Variants in CACNA2D3 observed in about 807,000 individuals in gnomAD.
CACNA2D3 encodes voltage-dependent calcium channel subunit alpha-2/delta-3.
A neutral mutation model predicts 160.6 loss-of-function variants in CACNA2D3; 60 were observed. The observed-to-expected ratio is 0.37, with a 90% CI of 0.30 to 0.46. The LOEUF (loss-of-function observed/expected upper bound fraction) is 0.46, where lower values mean the gene tolerates loss of function less well. Ranked by LOEUF, CACNA2D3 falls within the 20% of genes least tolerant of loss-of-function variation. The pLI is 1.00. For missense variants in CACNA2D3, 1,205 were observed against 1,365.0 expected (o/e 0.88, Z 1.85); for synonymous variants, 558 against 492.9 (o/e 1.13, Z -1.75).
In CACNA2D3 at chr3:54,465,074, G is replaced by C. The variant is rs1343969587; in HGVS notation, c.382-38418G>C. On this transcript the variant is annotated intron_variant, in intron 4 of 37. Coordinates refer to ENST00000474759, the MANE Select transcript of CACNA2D3 (RefSeq NM_018398.3). ...CTTCTCCTTTTTTTTTGGTCTGCCT[G>C]GGTTATTTCAAAAGATCTGTCTTCA... Among the ~76,000 whole-genome samples, 3 of 150,148 alleles carry C rather than the reference G, an allele frequency of 2.0e-5. No homozygotes were observed. The East Asian group carries it at 5.9e-4, about 29-fold the overall frequency.
At chr3:54,437,279 T>G (rs1700075583) in intron 4 of CACNA2D3, among the ~76,000 whole-genome samples, 1 of 152,252 alleles carries the variant, frequency 6.6e-6, no homozygotes, top group Non-Finnish European at 1.5e-5. Context: ...TTCATTTTTC[T>G]GTCCCTTTAT....
intron 13 of CACNA2D3, among the ~76,000 whole-genome samples, chr3:54,778,100 G>C (rs994108340): frequency 1.3e-5 from 2 of 152,150 alleles, no homozygotes; most frequent in Non-Finnish European, 2.9e-5. Context: ...CATGGCAGAA[G>C]GCAAAGGGGA....
intron 4 of CACNA2D3, among the ~76,000 whole-genome samples, chr3:54,481,167 G>A (rs1186716601): frequency 2.0e-5 from 3 of 152,134 alleles, no homozygotes; most frequent in Non-Finnish European, 2.9e-5. Context: ...AGTGGCCTCT[G>A]GCTAGGCTGC....
intron 2 of CACNA2D3, among the ~76,000 whole-genome samples, chr3:54,131,245 C>T (rs55748949): frequency 0.059 from 8,970 of 152,260 alleles, 374 homozygotes; most frequent in African/African-American, 0.1. Flanking sequence ...CAGCTGACCC[C>T]TGATGAGAGC....
At chr3:54,603,547 T>C (rs1320260197) in intron 9 of CACNA2D3, among the ~76,000 whole-genome samples, 1 of 152,218 alleles carries the variant, frequency 6.6e-6, no homozygotes, top group Non-Finnish European at 1.5e-5. Flanking sequence ...ATGTCTTCAC[T>C]GTTCCTGACC....
chr3:54,694,144 A>AT (rs1339440258), intron 11 of CACNA2D3, among the ~76,000 whole-genome samples: 1 of 152,202 alleles, frequency 6.6e-6, no homozygotes, highest in African/African-American at 2.4e-5. Context: ...CAGGAGTTCC[A>AT]TTTTTAATCT....
intron 11 of CACNA2D3, among the ~76,000 whole-genome samples, chr3:54,723,357 C>G (rs1464911824): frequency 6.6e-6 from 1 of 152,136 alleles, no homozygotes; most frequent in African/African-American, 2.4e-5. Context: ...CTGAGACAGA[C>G]CACTTGGCTC....
chr3:54,979,476 A>G (rs1454623562), intron 29 of CACNA2D3, among the ~76,000 whole-genome samples: 1 of 152,260 alleles, frequency 6.6e-6, no homozygotes, highest in East Asian at 1.9e-4. Context: ...AACCAGGTAG[A>G]GAGAAACAAA....
At chr3:54,973,094 A>C (rs1473922002) in intron 29 of CACNA2D3, among the ~76,000 whole-genome samples, 2 of 152,084 alleles carry the variant, frequency 1.3e-5, no homozygotes, top group Non-Finnish European at 2.9e-5. Context: ...GGTAACATTT[A>C]AGTCAGCCAA....
chr3:54,725,068 T>C (rs1701251130), intron 11 of CACNA2D3, among the ~76,000 whole-genome samples: 1 of 152,130 alleles, frequency 6.6e-6, no homozygotes, highest in African/African-American at 2.4e-5. Flanking sequence ...CAATAAAAAA[T>C]GATATAGGGG....
At chr3:54,344,389 G>T (rs1698418438) in intron 3 of CACNA2D3, among the ~76,000 whole-genome samples, 1 of 152,196 alleles carries the variant, frequency 6.6e-6, no homozygotes, top group African/African-American at 2.4e-5. Flanking sequence ...GTGATTGAAT[G>T]AGGGAGGGAG....
intron 4 of CACNA2D3, among the ~76,000 whole-genome samples, chr3:54,447,816 A>G (rs769489006): frequency 1.3e-5 from 2 of 152,166 alleles, no homozygotes; most frequent in South Asian, 2.1e-4. Context: ...GCTCTTTTAG[A>G]TGACATTTCT....
At chr3:54,240,299 T>G (rs944809453) in intron 2 of CACNA2D3, among the ~76,000 whole-genome samples, 1 of 152,164 alleles carries the variant, frequency 6.6e-6, no homozygotes, top group Non-Finnish European at 1.5e-5. Flanking sequence ...CGTTGGTTTT[T>G]GGAGGTCAAA....
chr3:55,063,195 C>G (rs1704554097), intron 35 of CACNA2D3, among the ~76,000 whole-genome samples: 1 of 152,098 alleles, frequency 6.6e-6, no homozygotes, highest in Non-Finnish European at 1.5e-5. Context: ...GGTCCCCGAA[C>G]CAGCAGCATC....
intron 9 of CACNA2D3, among the ~76,000 whole-genome samples, chr3:54,585,940 T>A (rs1702752724): frequency 6.6e-6 from 1 of 152,050 alleles, no homozygotes; most frequent in Non-Finnish European, 1.5e-5. Flanking sequence ...ACAAACATGA[T>A]CCAACCGTAT....
At chr3:54,142,940 A>G (rs1288802752) in intron 2 of CACNA2D3, among the ~76,000 whole-genome samples, 1 of 152,212 alleles carries the variant, frequency 6.6e-6, no homozygotes, top group Non-Finnish European at 1.5e-5. Flanking sequence ...AGGGACAGGT[A>G]TAAGCCATCC....
chr3:54,910,009 G>A (rs1700523975), intron 27 of CACNA2D3, among the ~76,000 whole-genome samples: 1 of 152,118 alleles, frequency 6.6e-6, no homozygotes, highest in Non-Finnish European at 1.5e-5. Context: ...GGACAGTGCT[G>A]ATCAAAGGCT....
At chr3:54,277,941 G>A (rs1174336400) in intron 2 of CACNA2D3, among the ~76,000 whole-genome samples, 1 of 151,966 alleles carries the variant, frequency 6.6e-6, no homozygotes, top group African/African-American at 2.4e-5. Context: ...TGGTGTATAG[G>A]AATGCTTAAA....
At chr3:54,660,412 G>A (rs1283433360) in intron 11 of CACNA2D3, among the ~76,000 whole-genome samples, 5 of 152,166 alleles carry the variant, frequency 3.3e-5, no homozygotes, top group East Asian at 3.9e-4. Flanking sequence ...CACCCGCCTC[G>A]GCCTCCCAAA....
Sources: gnomAD v4.1 joint callset for allele counts (sites outside exome capture counted in the v4.1 genomes callset) on GRCh38, gnomAD v4.1.1 for gene constraint, MANE v1.5 for transcripts, NCBI Gene and HGNC (gene_info 2026-07-23, HGNC 2026-07-21) for gene names.